The following CRB1 variants were observed in gnomAD, a reference collection of about 807,000 sequenced individuals.
CRB1 encodes protein crumbs homolog 1.
In CRB1, 83 loss-of-function variants were observed where a neutral mutation model predicts 120.0. That is an observed-to-expected ratio of 0.69 (90% CI 0.58 to 0.83). The LOEUF (loss-of-function observed/expected upper bound fraction) is 0.83. Among genes scored for constraint, CRB1 ranks in the 40% least tolerant of loss-of-function variants. The pLI, the probability that CRB1 is intolerant of heterozygous loss-of-function variation, is 0.00. For synonymous variants in CRB1, 625 were observed against 612.5 expected (o/e 1.02, Z -0.30); for missense variants, 1,699 against 1,687.6 (o/e 1.01, Z -0.12).
intron 1 of CRB1, among the ~76,000 whole-genome samples, chr1:197,298,673 G>A (rs1259138725): frequency 6.6e-6 from 1 of 151,984 alleles, no homozygotes; most frequent in Non-Finnish European, 1.5e-5. Context: ...ATTTTAAAAG[G>A]ATGACATTGG....
intron 10 of CRB1, chr1:197,440,363 T>C (rs1665373578): frequency 1.3e-5 from 2 of 152,228 alleles, no homozygotes; most frequent in African/African-American, 4.8e-5. Context: ...ATTTGAAATA[T>C]AGAAAGAAAA....
In CRB1 at chr1:197,418,679, A is replaced by G. The variant is rs1215396451; in HGVS notation, c.1172-2321A>G. Among the ~76,000 whole-genome samples, 4 of 152,222 alleles carry G rather than the reference A, an allele frequency of 2.6e-5. No homozygotes were observed. In the East Asian group the frequency reaches 5.8e-4, roughly 22 times the overall value. ...AAAGATCACTTTGGTTTTGGATCAG[A>G]TTAAATGCATTATATAAATATTTAA... is the stretch of plus-strand genomic sequence containing the variant. On this transcript the variant is annotated intron_variant, in intron 5 of 11. Coordinates refer to ENST00000367400, the MANE Select transcript of CRB1 (RefSeq NM_201253.3).
intron 10 of CRB1, 43 bp downstream of exon 10, chr1:197,438,718 A>G (rs1665285098): frequency 1.9e-6 from 3 of 1,606,966 alleles, no homozygotes; most frequent in African/African-American, 1.3e-5. Context: ...TCTGAGCTAA[A>G]GAATGATGGG....
chr1:197,228,468 G>A, the CRB1 span, among the ~76,000 whole-genome samples: 2 of 152,124 alleles, frequency 1.3e-5, no homozygotes, highest in Middle Eastern at 3.2e-3. Context: ...CTAAAACATA[G>A]CAAGAGTCAC....
intron 5 of CRB1, among the ~76,000 whole-genome samples, chr1:197,365,434 A>G (rs1365749023): frequency 2.0e-5 from 3 of 152,262 alleles, no homozygotes; most frequent in East Asian, 3.9e-4. Flanking sequence ...AACACTTCAC[A>G]TAACAGGCCA....
chr1:197,259,401 A>T, the CRB1 span, among the ~76,000 whole-genome samples: 4 of 152,354 alleles, frequency 2.6e-5, no homozygotes, highest in South Asian at 8.3e-4. Flanking sequence ...AGCTTTAAGC[A>T]ATCATCCTCA....
At chr1:197,386,642 A>G (rs1408879433) in intron 5 of CRB1, among the ~76,000 whole-genome samples, 1 of 152,212 alleles carries the variant, frequency 6.6e-6, no homozygotes, top group Non-Finnish European at 1.5e-5. Flanking sequence ...GCAAGAAATA[A>G]TAGTCTATAT....
the CRB1 span, among the ~76,000 whole-genome samples, chr1:197,260,607 A>G: frequency 6.6e-6 from 1 of 152,160 alleles, no homozygotes; most frequent in African/African-American, 2.4e-5. Context: ...ACTTTAAGAG[A>G]AAATGAACCT....
chr1:197,295,560 T>C (rs1656470072), intron 1 of CRB1, among the ~76,000 whole-genome samples: 1 of 152,000 alleles, frequency 6.6e-6, no homozygotes, highest in African/African-American at 2.4e-5. Flanking sequence ...GAGTTGTGTG[T>C]CTCATCATGG....
chr1:197,399,360 T>C (rs1177335237), intron 5 of CRB1, among the ~76,000 whole-genome samples: 3 of 152,186 alleles, frequency 2.0e-5, no homozygotes, highest in Non-Finnish European at 4.4e-5. Flanking sequence ...TTACAGTGCC[T>C]GGCTTATAGG....
chr1:197,390,035 A>G (rs367950790), intron 5 of CRB1, among the ~76,000 whole-genome samples: 1 of 152,006 alleles, frequency 6.6e-6, no homozygotes, highest in East Asian at 1.9e-4. Context: ...GTATTATTAA[A>G]GGATTGGGGA....
At chr1:197,343,702 C>G (rs546136156) in intron 2 of CRB1, among the ~76,000 whole-genome samples, 1 of 152,174 alleles carries the variant, frequency 6.6e-6, no homozygotes, top group South Asian at 2.1e-4. Flanking sequence ...CTAGCAAATA[C>G]TTAGTATGTA....
chr1:197,248,951 T>C, the CRB1 span, among the ~76,000 whole-genome samples: 1 of 151,938 alleles, frequency 6.6e-6, no homozygotes, highest in East Asian at 1.9e-4. Flanking sequence ...AAAAGATAAA[T>C]ACAAAAATGT....
At chr1:197,354,133 A>G (rs75291211) in intron 4 of CRB1, among the ~76,000 whole-genome samples, 3 of 152,298 alleles carry the variant, frequency 2.0e-5, no homozygotes, top group African/African-American at 4.8e-5. Flanking sequence ...TAAAATTTAT[A>G]TATTTGGTGA....
chr1:197,436,285 A>C (rs1312282036), intron 9 of CRB1, among the ~76,000 whole-genome samples: 1 of 152,104 alleles, frequency 6.6e-6, no homozygotes, highest in East Asian at 1.9e-4. Context: ...AGAAAAAATA[A>C]ATTTACTATT....
chr1:197,361,268 G>A (rs1265704483), intron 5 of CRB1, among the ~76,000 whole-genome samples: 1 of 150,038 alleles, frequency 6.7e-6, no homozygotes, highest in Non-Finnish European at 1.5e-5. Flanking sequence ...AAAATAAGTT[G>A]GAAAATGTTT....
At chr1:197,219,901 A>C in the CRB1 span, among the ~76,000 whole-genome samples, 1 of 152,198 alleles carries the variant, frequency 6.6e-6, no homozygotes, top group African/African-American at 2.4e-5. Flanking sequence ...TCACTGTCTT[A>C]CATATTTTCA....
chr1:197,220,295 T>A, the CRB1 span, among the ~76,000 whole-genome samples: 1 of 152,154 alleles, frequency 6.6e-6, no homozygotes, highest in African/African-American at 2.4e-5. Flanking sequence ...AAGTAAGAAC[T>A]AAGTAAAATA....
intron 1 of CRB1, among the ~76,000 whole-genome samples, chr1:197,272,234 C>G (rs1184082468): frequency 6.6e-6 from 1 of 152,034 alleles, no homozygotes; most frequent in East Asian, 1.9e-4. Flanking sequence ...AAGTTAATAT[C>G]CTTGCAGTGG....
Sources: gnomAD v4.1 joint callset for allele counts (sites outside exome capture counted in the v4.1 genomes callset) on GRCh38, gnomAD v4.1.1 for gene constraint, MANE v1.5 for transcripts, NCBI Gene and HGNC (gene_info 2026-07-23, HGNC 2026-07-21) for gene names.